KYAT3: variants seen among roughly 807,000 people sequenced by gnomAD.
The protein encoded by KYAT3 is kynurenine aminotransferase 3.
Under a neutral mutation model 59.0 loss-of-function variants are expected in KYAT3, and 50 were observed. That is an observed-to-expected ratio of 0.85 (90% CI 0.68 to 1.07). The LOEUF (loss-of-function observed/expected upper bound fraction) is 1.07, where lower values mean the gene tolerates loss of function less well. Among genes scored for constraint, KYAT3 ranks in the 50% least tolerant of loss-of-function variants. The pLI is 0.00. For missense variants in KYAT3, 497 were observed against 533.3 expected (o/e 0.93, Z 0.67); for synonymous variants, 148 against 177.0 (o/e 0.84, Z 1.30).
intron 8 of KYAT3, among the ~76,000 whole-genome samples, chr1:88,955,750 A>T (rs1195834477): frequency 6.6e-6 from 1 of 152,168 alleles, no homozygotes; most frequent in Non-Finnish European, 1.5e-5. Context: ...AACTTGTAAG[A>T]AAGGCAAATC....
chr1:88,936,285 C>T, intron 13 of KYAT3, 40 bp from the exon 14 acceptor site: 1 of 1,349,198 alleles, frequency 7.4e-7, no homozygotes, highest in Non-Finnish European at 1.1e-6. Flanking sequence ...TACAGATATA[C>T]ATAAATTCAA....
chr1:88,968,644 G>A (rs1676434597), intron 4 of KYAT3, 26 bp downstream of exon 4: 2 of 1,515,906 alleles, frequency 1.3e-6, no homozygotes, highest in South Asian at 2.6e-5. Context: ...AAAAGCTCAT[G>A]GCCCATATGG....
chr1:88,929,616 C>T, the KYAT3 span, among the ~76,000 whole-genome samples: 1 of 152,204 alleles, frequency 6.6e-6, no homozygotes, highest in Non-Finnish European at 1.5e-5. Context: ...ATTTTAGCCA[C>T]TCGTTCAGAA....
chr1:88,942,370 T>C (rs1675268199), intron 13 of KYAT3, among the ~76,000 whole-genome samples: 1 of 152,164 alleles, frequency 6.6e-6, no homozygotes, highest in Admixed American at 6.5e-5. Context: ...CCTTGTCTGC[T>C]AATTTCTAGA....
At chr1:88,974,132 T>C (rs1376775438) in intron 2 of KYAT3, among the ~76,000 whole-genome samples, 1 of 152,218 alleles carries the variant, frequency 6.6e-6, no homozygotes, top group Admixed American at 6.5e-5. Flanking sequence ...GGGAAACAGA[T>C]GGATACCACA....
chr1:88,944,966 C>A (rs1252701310), intron 11 of KYAT3, among the ~76,000 whole-genome samples: 1 of 152,124 alleles, frequency 6.6e-6, no homozygotes, highest in Admixed American at 6.6e-5. Flanking sequence ...GCCTTAGCCT[C>A]CTGAGTAGCT....
At chr1:88,937,201 G>A (rs1413391666) in intron 13 of KYAT3, among the ~76,000 whole-genome samples, 1 of 152,132 alleles carries the variant, frequency 6.6e-6, no homozygotes, top group Non-Finnish European at 1.5e-5. Context: ...CCTGGTATGG[G>A]GTATTGGAGA....
chr1:88,946,933 A>T (rs1675467309), intron 11 of KYAT3, among the ~76,000 whole-genome samples: 1 of 152,198 alleles, frequency 6.6e-6, no homozygotes, highest in Non-Finnish European at 1.5e-5. Flanking sequence ...AATTCTTATG[A>T]CTGTATGTTG....
chr1:88,953,458 A>G (rs753314332), intron 9 of KYAT3, among the ~76,000 whole-genome samples: 4 of 151,752 alleles, frequency 2.6e-5, no homozygotes, highest in Non-Finnish European at 5.9e-5. Flanking sequence ...AGGCAGGAGA[A>G]TCACCTCAAC....
chr1:88,938,525 T>C (rs1463200968), intron 13 of KYAT3, among the ~76,000 whole-genome samples: 1 of 152,164 alleles, frequency 6.6e-6, no homozygotes, highest in East Asian at 1.9e-4. Flanking sequence ...TCTGCTCTTC[T>C]CCCTCCTCCC....
intron 1 of KYAT3, 91 bp from the exon 2 acceptor site, chr1:88,988,442 C>G: frequency 1.5e-6 from 1 of 673,436 alleles, no homozygotes; most frequent in Non-Finnish European, 2.5e-6. Flanking sequence ...GTATCATAAG[C>G]TTACGTAAAA....
chr1:88,945,225 G>A (rs1201713807), intron 11 of KYAT3, among the ~76,000 whole-genome samples: 3 of 152,172 alleles, frequency 2.0e-5, no homozygotes, highest in African/African-American at 7.2e-5. Flanking sequence ...TAGTCAGAAG[G>A]AATTTGGAAT....
chr1:88,987,633 G>A (rs1419263451), intron 2 of KYAT3, among the ~76,000 whole-genome samples: 1 of 152,132 alleles, frequency 6.6e-6, no homozygotes, highest in Non-Finnish European at 1.5e-5. Flanking sequence ...TAATTCTCAA[G>A]ATTTTGCCTC....
chr1:88,964,201 C>CAA (rs201956693), intron 5 of KYAT3, among the ~76,000 whole-genome samples: 1 of 151,900 alleles, frequency 6.6e-6, no homozygotes, highest in African/African-American at 2.4e-5. Flanking sequence ...GACTCCATCT[C>CAA]AAAAAAACAA....
At position 88,951,624 on chromosome 1, in the gene KYAT3, C is replaced by A. The variant is rs566801309; in HGVS notation, c.954+1439G>T. Among the ~76,000 whole-genome samples the A allele has an allele frequency of 6.6e-5, 10 of 151,100 alleles. No homozygotes were observed. In the South Asian group the frequency reaches 2.1e-3, roughly 31 times the overall value. On this transcript the variant is annotated intron_variant, in intron 10 of 13. Transcript: ENST00000260508. ...AATGATGGTAACTAAATCCCTATTTCCATAATATATATTAAAAATATTAAA... is the reference window on the plus strand; with the variant it reads ...AATGATGGTAACTAAATCCCTATTTACATAATATATATTAAAAATATTAAA...
chr1:88,935,815 T>C lies in KYAT3; in HGVS notation c.*368A>G, dbSNP rs984089635. The C allele has an allele frequency of 2.5e-5, 10 of 400,336 alleles. No individual in the cohort carries two copies. The highest frequency in any genetic ancestry group is 1.4e-4 in the African/African-American group (7 of 48,666). 24.8% of individuals were successfully genotyped at this position (400,336 alleles called of 1,614,324 possible). On this transcript the variant is annotated 3_prime_UTR_variant, in exon 14 of 14. Transcript: ENST00000260508. ...GAGTGTTTATTGTTTGCCAGGCTTT[T>C]TGCATACATTAGTCCATTTAATTCT...
intron 8 of KYAT3, among the ~76,000 whole-genome samples, chr1:88,956,752 T>G (rs1675934106): frequency 6.6e-6 from 1 of 152,098 alleles, no homozygotes; most frequent in Admixed American, 6.6e-5. Flanking sequence ...GTAACAAAGG[T>G]CTAGAGGTCT....
At chr1:88,953,786 T>C (rs1675783463) in intron 9 of KYAT3, among the ~76,000 whole-genome samples, 1 of 152,164 alleles carries the variant, frequency 6.6e-6, no homozygotes, top group East Asian at 1.9e-4. Context: ...CAAAGCTTGT[T>C]TGAATTACAG....
At chr1:88,959,275 C>CT (rs1168044476) in intron 8 of KYAT3, among the ~76,000 whole-genome samples, 3 of 146,816 alleles carry the variant, frequency 2.0e-5, no homozygotes, top group Non-Finnish European at 4.5e-5. Context: ...GACCCTGTCT[C>CT]TTAAAAAAAA....
Sources: allele counts gnomAD v4.1 joint callset (sites outside exome capture counted in the v4.1 genomes callset), GRCh38; gene constraint gnomAD v4.1.1; transcripts MANE v1.5; gene names NCBI Gene and HGNC (gene_info 2026-07-23, HGNC 2026-07-21).